GPR39: variants seen among roughly 807,000 people sequenced by gnomAD.
GPR39 encodes G protein-coupled receptor 39, also known as zinc sensing receptor.
Under a neutral mutation model 18.4 loss-of-function variants are expected in GPR39, and 23 were observed. That is an observed-to-expected ratio of 1.25 (90% CI 0.90 to 1.77). The LOEUF (loss-of-function observed/expected upper bound fraction) is 1.77. Ranked by LOEUF, GPR39 falls within the 40% of genes most tolerant of loss-of-function variation. The pLI is 0.00. For synonymous variants in GPR39, 280 were observed against 257.9 expected (o/e 1.09, Z -0.82); for missense variants, 647 against 602.4 (o/e 1.07, Z -0.78).
intron 1 of GPR39, among the ~76,000 whole-genome samples, chr2:132,579,091 T>C (rs988465378): frequency 1.2e-4 from 18 of 151,962 alleles, no homozygotes; most frequent in Admixed American, 8.5e-4. Context: ...TCTAAACATA[T>C]GCTTTCAGTA....
chr2:132,528,740 A>G (rs776689394), intron 1 of GPR39, among the ~76,000 whole-genome samples: 5 of 152,050 alleles, frequency 3.3e-5, no homozygotes, highest in Non-Finnish European at 5.9e-5. Context: ...CTACTTGTCT[A>G]TTGTTGGTAT....
At chr2:132,596,096 T>C (rs1680941363) in intron 1 of GPR39, among the ~76,000 whole-genome samples, 1 of 152,128 alleles carries the variant, frequency 6.6e-6, no homozygotes, top group African/African-American at 2.4e-5. Context: ...GGGAAGAACA[T>C]CTTCAGGGTG....
At chr2:132,570,746 C>T (rs1275440937) in intron 1 of GPR39, among the ~76,000 whole-genome samples, 2 of 152,122 alleles carry the variant, frequency 1.3e-5, no homozygotes, top group African/African-American at 4.8e-5. Flanking sequence ...CTGCCCTCCC[C>T]AGGGGCACAG....
chr2:132,416,966 A>G lies in GPR39; in HGVS notation c.-77A>G. 1.3e-6 allele frequency: 2 copies of G among 1,541,296 alleles called. No individual in the cohort carries two copies. Among genetic ancestry groups the G allele is most frequent in the Non-Finnish European group, 1.8e-6 (2 of 1,142,084 alleles). On this transcript the variant is annotated 5_prime_UTR_variant, in exon 1 of 2. Transcript: ENST00000329321. ...CGCCCACGCAGGTGAGTTTGCAGCC[A>G]AGAATTTTGGACGCTGCTGGGAGGA...
chr2:132,581,728 A>G (rs1289616122), intron 1 of GPR39, among the ~76,000 whole-genome samples: 1 of 152,186 alleles, frequency 6.6e-6, no homozygotes, highest in African/African-American at 2.4e-5. Flanking sequence ...ATATAAAGAA[A>G]CCAATTTGAT....
chr2:132,509,066 G>C (rs1048216888), intron 1 of GPR39, among the ~76,000 whole-genome samples: 1 of 152,196 alleles, frequency 6.6e-6, no homozygotes, highest in Admixed American at 6.5e-5. Context: ...GCTGGGGTGG[G>C]TCCAAGAGCT....
intron 1 of GPR39, among the ~76,000 whole-genome samples, chr2:132,634,124 T>C (rs907622092): frequency 7.5e-5 from 11 of 146,430 alleles, no homozygotes; most frequent in Admixed American, 5.3e-4. Flanking sequence ...GTGGCCATAG[T>C]AGGAGCAGTG....
chr2:132,546,727 C>T (rs1156542179), intron 1 of GPR39, among the ~76,000 whole-genome samples: 1 of 151,084 alleles, frequency 6.6e-6, no homozygotes, highest in East Asian at 2.0e-4. Context: ...TGGACGTTGG[C>T]ACCCTGGGGA....
chr2:132,469,939 CAG>C (rs1681000600), intron 1 of GPR39, among the ~76,000 whole-genome samples: 1 of 152,164 alleles, frequency 6.6e-6, no homozygotes, highest in Non-Finnish European at 1.5e-5. Flanking sequence ...TGCCCACTCT[CAG>C]AGGAGTTGGC....
chr2:132,432,064 T>G (rs1680233303), intron 1 of GPR39, among the ~76,000 whole-genome samples: 1 of 152,174 alleles, frequency 6.6e-6, no homozygotes, highest in East Asian at 1.9e-4. Context: ...ATCTTCAGAT[T>G]TCTCCCTGCT....
chr2:132,569,697 G>A (rs902150078), intron 1 of GPR39, among the ~76,000 whole-genome samples: 10 of 152,048 alleles, frequency 6.6e-5, no homozygotes, highest in Admixed American at 6.5e-5. Context: ...TTGGCTCTGT[G>A]TGCCTACCCA....
At chr2:132,606,752 T>C (rs1449095400) in intron 1 of GPR39, among the ~76,000 whole-genome samples, 1 of 151,990 alleles carries the variant, frequency 6.6e-6, no homozygotes, top group East Asian at 1.9e-4. Context: ...TTTTATTGAG[T>C]GGTTGAAGGT....
At chr2:132,638,525 C>T (rs1681805526) in intron 1 of GPR39, among the ~76,000 whole-genome samples, 1 of 152,188 alleles carries the variant, frequency 6.6e-6, no homozygotes, top group African/African-American at 2.4e-5. Context: ...GGCGCTGATG[C>T]TGCTGTTCCA....
chr2:132,546,729 C>T (rs538631924), intron 1 of GPR39, among the ~76,000 whole-genome samples: 1 of 151,350 alleles, frequency 6.6e-6, no homozygotes, highest in African/African-American at 2.4e-5. Context: ...GACGTTGGCA[C>T]CCTGGGGATT....
At chr2:132,546,839 CAAAAAAAAAA>C (rs60267293) in intron 1 of GPR39, among the ~76,000 whole-genome samples, 54 of 33,974 alleles carry the variant, frequency 1.6e-3, no homozygotes, top group Non-Finnish European at 2.4e-3. Flanking sequence ...AGCTCCACAG[CAAAAAAAAAA>C]AAAAAAAAAA....
At chr2:132,544,432 G>T (rs963141152) in intron 1 of GPR39, among the ~76,000 whole-genome samples, 4 of 152,190 alleles carry the variant, frequency 2.6e-5, no homozygotes, top group African/African-American at 9.6e-5. Flanking sequence ...CTGGATTGGG[G>T]GATGTGGTGG....
At chr2:132,587,898 T>C (rs1328867230) in intron 1 of GPR39, among the ~76,000 whole-genome samples, 2 of 152,296 alleles carry the variant, frequency 1.3e-5, no homozygotes, top group Non-Finnish European at 2.9e-5. Context: ...TTTCTGGTGA[T>C]GGAACAGAGA....
chr2:132,645,030 TATTC>T (rs1681977010), intron 1 of GPR39, 67 bp from the exon 2 acceptor site: 1 of 1,507,328 alleles, frequency 6.6e-7, no homozygotes, highest in African/African-American at 1.4e-5. Context: ...TTTATGGTTT[TATTC>T]ATTTACTGTG....
At chr2:132,549,068 C>A (rs910693742) in intron 1 of GPR39, among the ~76,000 whole-genome samples, 1 of 152,172 alleles carries the variant, frequency 6.6e-6, no homozygotes, top group Non-Finnish European at 1.5e-5. Context: ...AATATCCTCT[C>A]TTCTCTCCTT....
Sources: allele counts gnomAD v4.1 joint callset (sites outside exome capture counted in the v4.1 genomes callset), GRCh38; gene constraint gnomAD v4.1.1; transcripts MANE v1.5; gene names NCBI Gene and HGNC (gene_info 2026-07-23, HGNC 2026-07-21).